The following SEC31A variants were observed in gnomAD, a reference collection of about 807,000 sequenced individuals.
SEC31A encodes protein transport protein Sec31A.
A neutral mutation model predicts 151.0 loss-of-function variants in SEC31A; 70 were observed. That is an observed-to-expected ratio of 0.46 (90% CI 0.38 to 0.57). SEC31A has a LOEUF of 0.57. Ranked by LOEUF, SEC31A falls within the 20% of genes least tolerant of loss-of-function variation. The pLI, the probability that SEC31A is intolerant of heterozygous loss-of-function variation, is 0.00. For missense variants in SEC31A, 1,330 were observed against 1,471.2 expected (o/e 0.90, Z 1.57); for synonymous variants, 475 against 505.9 (o/e 0.94, Z 0.82).
At chr4:82,875,665 A>G in intron 5 of SEC31A, 62 bp downstream of exon 5, 1 of 849,454 alleles carries the variant, frequency 1.2e-6, no homozygotes, top group Non-Finnish European at 1.9e-6. Context: ...TGAAATAAGT[A>G]GGTTTAGGAG....
Position 82,864,505 on chromosome 4 carries a change from G to C in SEC31A, c.1291C>G (p.Gln431Glu). 6.2e-7 allele frequency: 1 copy of C among 1,614,084 alleles called. No individual in the cohort carries two copies. Among genetic ancestry groups the C allele is most frequent in the Non-Finnish European group, 8.5e-7 (1 of 1,180,020 alleles). ...AGGAACTCCTTTTCTGTTACAACCT[G>C]ACTAATGAACACATGGTGCTGCTGC... is the stretch of plus-strand genomic sequence containing the variant. ...QQQQHHVFIS[Q>E]VVTEKEFLSR... is the part of the protein sequence containing the mutation. Residue 431 changes from glutamine to glutamate, a missense_variant, in exon 11 of 27, where the codon CAG (glutamine) becomes GAG (glutamate). Transcript: ENST00000395310.
intron 23 of SEC31A, among the ~76,000 whole-genome samples, chr4:82,827,932 T>G (rs1022699711): frequency 1.3e-5 from 2 of 151,826 alleles, no homozygotes; most frequent in African/African-American, 4.8e-5. Context: ...TTTTTTTTTT[T>G]GAGATAGAGT....
At chr4:82,886,613 TCTC>T (rs1740768439) in intron 1 of SEC31A, among the ~76,000 whole-genome samples, 3 of 152,158 alleles carry the variant, frequency 2.0e-5, no homozygotes, top group Non-Finnish European at 4.4e-5. Flanking sequence ...CTTACATGAA[TCTC>T]CTCTTCTTCC....
In SEC31A at chr4:82,827,354, CA is replaced by C; in HGVS notation, c.3291+14del. On this transcript the variant is annotated intron_variant, in intron 24 of 26. Transcript: ENST00000395310. ...CAGCCATCTTCCCATTCCACTTCTA[CA>C]AATTTACTGTTACCTGGAAGGTATT... The C allele has an allele frequency of 6.2e-7, 1 of 1,608,846 alleles. No individual in the cohort carries two copies. Among genetic ancestry groups the C allele is most frequent in the Non-Finnish European group, 8.5e-7 (1 of 1,176,178 alleles).
chr4:82,830,857 T>G (rs1310323503), intron 22 of SEC31A: 1 of 495,588 alleles, frequency 2.0e-6, no homozygotes. Flanking sequence ...GAAGTTCACA[T>G]GCATTATTGT....
chr4:82,862,602 C>T (rs115213264), intron 12 of SEC31A, 30 bp from the exon 13 acceptor site: 1 of 1,600,172 alleles, frequency 6.2e-7, no homozygotes, highest in Non-Finnish European at 8.6e-7. Flanking sequence ...TCACCTACTA[C>T]ATGGAATTCT....
At chr4:82,835,994 G>A (rs1727137821) in intron 22 of SEC31A, among the ~76,000 whole-genome samples, 1 of 152,134 alleles carries the variant, frequency 6.6e-6, no homozygotes, top group African/African-American at 2.4e-5. Flanking sequence ...AAATGGTGCA[G>A]CTGCTGTGAA....
At chr4:82,892,474 C>G (rs1719859569), upstream of SEC31A, among the ~76,000 whole-genome samples, 1 of 152,242 alleles carries the variant, frequency 6.6e-6, no homozygotes, top group Non-Finnish European at 1.5e-5. Context: ...TCACCACTTT[C>G]AAATCTAATC....
intron 12 of SEC31A, among the ~76,000 whole-genome samples, chr4:82,862,818 T>C (rs543893345): frequency 6.6e-6 from 1 of 152,368 alleles, no homozygotes; most frequent in Non-Finnish European, 1.5e-5. Flanking sequence ...GGCATGCAAG[T>C]AAAACTTTCA....
At chr4:82,838,861 T>C (rs1728057994) in intron 22 of SEC31A, among the ~76,000 whole-genome samples, 1 of 152,262 alleles carries the variant, frequency 6.6e-6, no homozygotes, top group Non-Finnish European at 1.5e-5. Flanking sequence ...TGTTGTTCAC[T>C]AATAGAAGGC....
chr4:82,839,780 A>C (rs1482029623), intron 22 of SEC31A, among the ~76,000 whole-genome samples: 2 of 152,198 alleles, frequency 1.3e-5, no homozygotes, highest in Admixed American at 6.5e-5. Context: ...AACACTGAAA[A>C]GTGTTGTCTG....
chr4:82,892,218 C>T (rs1419240405), upstream of SEC31A, among the ~76,000 whole-genome samples: 21 of 152,314 alleles, frequency 1.4e-4, no homozygotes, highest in Admixed American at 9.1e-4. Flanking sequence ...TTTCTTTCAA[C>T]GCAGTAACTA....
At chr4:82,846,245 C>T (rs1013741689) in intron 20 of SEC31A, among the ~76,000 whole-genome samples, 29 of 151,236 alleles carry the variant, frequency 1.9e-4, no homozygotes, top group African/African-American at 6.3e-4. Flanking sequence ...CCTCGTGATC[C>T]GCCCGCCTCA....
intron 14 of SEC31A, among the ~76,000 whole-genome samples, chr4:82,859,479 G>A (rs1223081537): frequency 5.9e-5 from 9 of 152,042 alleles, no homozygotes; most frequent in Admixed American, 5.9e-4. Context: ...TCTTACATGA[G>A]ATGAAATATC....
intron 24 of SEC31A, among the ~76,000 whole-genome samples, chr4:82,826,901 G>A (rs1349072480): frequency 1.3e-5 from 2 of 152,208 alleles, no homozygotes; most frequent in African/African-American, 4.8e-5. Flanking sequence ...TTTTCAATAT[G>A]CAGGACTTTG....
rs879356729 is a variant in SEC31A at position 82,859,797 on chromosome 4, T to A, written c.1626+1834A>T. On this transcript the variant is annotated intron_variant, in intron 14 of 26. Transcript: ENST00000395310. Reference sequence around the variant, plus strand: ...AACAAACTTGCATAAAAATATTTTTTTTTTTTTTTTTTGAGACAGGGTCTC... The same window carrying A: ...AACAAACTTGCATAAAAATATTTTTATTTTTTTTTTTTGAGACAGGGTCTC... 8.5e-4 allele frequency among the ~76,000 whole-genome samples: 126 copies of A among 147,996 alleles called. 1 individual carries two copies. Among genetic ancestry groups the A allele is most frequent in the South Asian group, 1.5e-3 (7 of 4,760 alleles).
intron 20 of SEC31A, among the ~76,000 whole-genome samples, chr4:82,848,135 T>C (rs1046471006): frequency 6.6e-6 from 1 of 151,924 alleles, no homozygotes; most frequent in African/African-American, 2.4e-5. Flanking sequence ...GAAGGTTATC[T>C]GCTGGTCTGG....
intron 22 of SEC31A, among the ~76,000 whole-genome samples, chr4:82,841,442 T>TTA (rs58373170): frequency 0.018 from 1,177 of 64,398 alleles, 60 homozygotes; most frequent in African/African-American, 0.042. Context: ...AAAAAAAATT[T>TTA]TATATATATA....
intron 8 of SEC31A, among the ~76,000 whole-genome samples, chr4:82,869,642 C>T (rs980068328): frequency 7.9e-5 from 12 of 151,916 alleles, no homozygotes; most frequent in East Asian, 1.9e-4. Flanking sequence ...AAATGATATG[C>T]GGTAAAATTT....
Sources: gnomAD v4.1 joint callset for allele counts (sites outside exome capture counted in the v4.1 genomes callset) on GRCh38, gnomAD v4.1.1 for gene constraint, MANE v1.5 for transcripts, NCBI Gene and HGNC (gene_info 2026-07-23, HGNC 2026-07-21) for gene names.